Variants in PARD3 observed in about 807,000 individuals in gnomAD.
PARD3 encodes the protein par-3 family cell polarity regulator, also known as partitioning defective 3 homolog.
Under a neutral mutation model 155.4 loss-of-function variants are expected in PARD3, and 75 were observed. The ratio of observed to expected loss-of-function variants is 0.48; its 90% confidence interval spans 0.40 to 0.58. The LOEUF (loss-of-function observed/expected upper bound fraction) is 0.58. PARD3 is among the 20% of genes least tolerant of loss of function. The probability of loss-of-function intolerance (pLI) is 0.00; values close to 1 mark genes in which losing one functional copy is unlikely to be tolerated. For missense variants in PARD3, 1,642 were observed against 1,721.7 expected (o/e 0.95, Z 0.82); for synonymous variants, 576 against 610.5 (o/e 0.94, Z 0.83).
Position 34,646,606 on chromosome 10 carries a change from G to T in PARD3, c.222+49712C>A, listed in dbSNP as rs570755695. 2.6e-5 allele frequency among the ~76,000 whole-genome samples: 4 copies of T among 152,276 alleles called. No individual in the cohort carries two copies. The East Asian group carries it at 7.7e-4, about 29-fold the overall frequency. ...CTGCTAAGACTTCATCTCTATCACG[G>T]AATATTCTTGGTCATTACTTAGATG... On this transcript the variant is annotated intron_variant, in intron 2 of 24. Transcript: ENST00000374788.
chr10:34,355,939 AAAAAAAACAAAACAAAACCAAAC>A (rs1283158234), intron 14 of PARD3, among the ~76,000 whole-genome samples: 1 of 133,714 alleles, frequency 7.5e-6, no homozygotes, highest in African/African-American at 3.8e-5. Context: ...AAAAAAAAAA[AAAAAAAACAAAACAAAACCAAAC>A]AAAAAAACAG....
chr10:34,740,696 A>C (rs919830742), intron 1 of PARD3, among the ~76,000 whole-genome samples: 1 of 151,888 alleles, frequency 6.6e-6, no homozygotes, highest in African/African-American at 2.4e-5. Context: ...GTGAACAACA[A>C]ATCACGTTCC....
chr10:34,744,939 G>A (rs1368887947), intron 1 of PARD3, among the ~76,000 whole-genome samples: 2 of 152,124 alleles, frequency 1.3e-5, no homozygotes, highest in East Asian at 1.9e-4. Flanking sequence ...CCAGGAGCTC[G>A]GGCAACTAGG....
intron 5 of PARD3, among the ~76,000 whole-genome samples, chr10:34,414,947 G>A (rs1232793470): frequency 1.3e-5 from 2 of 152,076 alleles, no homozygotes; most frequent in East Asian, 3.9e-4. Context: ...GAATGGGGGT[G>A]GGCAGACCAG....
intron 22 of PARD3, among the ~76,000 whole-genome samples, chr10:34,166,749 A>C (rs1949547306): frequency 6.6e-6 from 1 of 152,114 alleles, no homozygotes; most frequent in African/African-American, 2.4e-5. Context: ...CACCCCCACA[A>C]CACACACAAT....
intron 22 of PARD3, among the ~76,000 whole-genome samples, chr10:34,220,313 T>C (rs2133466183): frequency 1.3e-5 from 2 of 152,290 alleles, no homozygotes; most frequent in South Asian, 4.1e-4. Context: ...AAGCTTCTGA[T>C]AGCTTTTGAA....
intron 1 of PARD3, among the ~76,000 whole-genome samples, chr10:34,790,042 G>C (rs1841453606): frequency 6.6e-6 from 1 of 152,178 alleles, no homozygotes; most frequent in Non-Finnish European, 1.5e-5. Flanking sequence ...TGAATCATGG[G>C]AAAGCTTTGA....
chr10:34,650,206 C>T (rs112580021), intron 2 of PARD3, among the ~76,000 whole-genome samples: 15 of 152,322 alleles, frequency 9.8e-5, no homozygotes, highest in East Asian at 9.6e-4. Flanking sequence ...CACCATGCAC[C>T]GTGCACAACT....
At chr10:34,470,306 G>T in intron 3 of PARD3, 43 bp from the exon 4 acceptor site, 1 of 1,399,824 alleles carries the variant, frequency 7.1e-7, no homozygotes, top group Non-Finnish European at 9.7e-7. Flanking sequence ...AGATACTAAT[G>T]TTGGTAAACT....
chr10:34,236,685 G>A (rs1007173543), intron 22 of PARD3, among the ~76,000 whole-genome samples: 1 of 152,108 alleles, frequency 6.6e-6, no homozygotes, highest in African/African-American at 2.4e-5. Flanking sequence ...AACGTTAACA[G>A]ATGTCCAAAT....
At position 34,336,206 on chromosome 10, in the gene PARD3, C is replaced by T; in HGVS notation, c.2598G>A (p.Gln866=). The change falls in exon 18 of 25, where the codon CAG becomes CAA. Residue 866 remains glutamine (Q), a synonymous_variant. Transcript: ENST00000374788. The stretch of plus-strand genomic sequence containing the variant: ...CTAACTGTCCATTCTTACCTGCTTT[C>T]TGGTCATCCACTGTATTGAGTTTAG... ...DETKLNTVDD[Q]KAGSPSRDVG... The T allele has an allele frequency of 6.2e-7, 1 of 1,612,052 alleles. No individual in the cohort carries two copies. Among genetic ancestry groups the T allele is most frequent in the African/African-American group, 1.3e-5 (1 of 74,954 alleles).
intron 22 of PARD3, among the ~76,000 whole-genome samples, chr10:34,161,963 T>G (rs1432699800): frequency 6.6e-6 from 1 of 152,184 alleles, no homozygotes; most frequent in South Asian, 2.1e-4. Context: ...GTCAGTAATA[T>G]TAGTGTTATG....
At chr10:34,567,185 G>A (rs1314884646) in intron 2 of PARD3, among the ~76,000 whole-genome samples, 2 of 152,156 alleles carry the variant, frequency 1.3e-5, no homozygotes, top group African/African-American at 4.8e-5. Flanking sequence ...GGATTGCTAG[G>A]TGATGTGCAA....
At chr10:34,175,593 A>T (rs1336894758) in intron 22 of PARD3, among the ~76,000 whole-genome samples, 1 of 152,196 alleles carries the variant, frequency 6.6e-6, no homozygotes, top group Non-Finnish European at 1.5e-5. Context: ...CCTGGGGAAA[A>T]ATATTCCTTA....
intron 2 of PARD3, among the ~76,000 whole-genome samples, chr10:34,529,410 G>A (rs1473144234): frequency 6.6e-6 from 1 of 152,202 alleles, no homozygotes; most frequent in Non-Finnish European, 1.5e-5. Flanking sequence ...TGGATCAGCA[G>A]TACTCAACAC....
At chr10:34,766,893 G>A (rs1022861869) in intron 1 of PARD3, among the ~76,000 whole-genome samples, 2 of 152,176 alleles carry the variant, frequency 1.3e-5, no homozygotes, top group African/African-American at 4.8e-5. Context: ...AAGGTTTTGT[G>A]GAAGAAACCA....
chr10:34,601,436 G>A (rs1049763865), intron 2 of PARD3, among the ~76,000 whole-genome samples: 12 of 152,128 alleles, frequency 7.9e-5, no homozygotes, highest in Non-Finnish European at 8.8e-5. Flanking sequence ...GTGAGAACCC[G>A]TCGTTCATTC....
chr10:34,509,920 T>C (rs2081304009), intron 3 of PARD3, among the ~76,000 whole-genome samples: 1 of 152,202 alleles, frequency 6.6e-6, no homozygotes, highest in South Asian at 2.1e-4. Flanking sequence ...CATAAATCCC[T>C]CTGGATAACA....
intron 22 of PARD3, among the ~76,000 whole-genome samples, chr10:34,236,721 A>G (rs1358713056): frequency 1.3e-5 from 2 of 152,166 alleles, no homozygotes; most frequent in Non-Finnish European, 2.9e-5. Flanking sequence ...GAAATTTTCA[A>G]AAGTTTTAGT....
Sources: allele counts gnomAD v4.1 joint callset (sites outside exome capture counted in the v4.1 genomes callset), GRCh38; gene constraint gnomAD v4.1.1; transcripts MANE v1.5; gene names NCBI Gene and HGNC (gene_info 2026-07-23, HGNC 2026-07-21).